EHBP1: variants seen among roughly 807,000 people sequenced by gnomAD.
The protein encoded by EHBP1 is EH domain binding protein 1.
EHBP1 carries 55 observed loss-of-function variants against 144.0 expected under a neutral mutation model. The ratio of observed to expected loss-of-function variants is 0.38; its 90% CI spans 0.31 to 0.48. EHBP1 has a LOEUF of 0.48. Ranked by LOEUF, EHBP1 falls within the 20% of genes least tolerant of loss-of-function variation. EHBP1 has a pLI of 0.98. For missense variants in EHBP1, 1,200 were observed against 1,364.2 expected (o/e 0.88, Z 1.90); for synonymous variants, 469 against 472.7 (o/e 0.99, Z 0.10).
At chr2:62,811,486 T>C (rs1318551265) in intron 5 of EHBP1, among the ~76,000 whole-genome samples, 1 of 152,194 alleles carries the variant, frequency 6.6e-6, no homozygotes, top group Non-Finnish European at 1.5e-5. Context: ...GAATTTAAAG[T>C]GTTATCACAG....
intron 18 of EHBP1, among the ~76,000 whole-genome samples, 176 bp from the exon 19 acceptor site, chr2:62,996,467 G>T (rs1340749695): frequency 1.3e-5 from 2 of 152,026 alleles, no homozygotes; most frequent in Non-Finnish European, 2.9e-5. Flanking sequence ...TAAAAGTTTG[G>T]TATATGTAAT....
At chr2:62,696,939 G>A (rs1434453011) in intron 1 of EHBP1, among the ~76,000 whole-genome samples, 1 of 152,152 alleles carries the variant, frequency 6.6e-6, no homozygotes, top group Non-Finnish European at 1.5e-5. Context: ...AAAAGACAGT[G>A]AAAATAGGCC....
chr2:62,753,291 G>A (rs1194480756), intron 3 of EHBP1, among the ~76,000 whole-genome samples: 1 of 152,100 alleles, frequency 6.6e-6, no homozygotes, highest in Non-Finnish European at 1.5e-5. Flanking sequence ...GAAATTCTGG[G>A]TTGAAAATTC....
At chr2:62,760,656 T>G (rs73934285) in intron 3 of EHBP1, among the ~76,000 whole-genome samples, 2,294 of 152,280 alleles carry the variant, frequency 0.015, 62 homozygotes, top group African/African-American at 0.051. Context: ...TTCCCACTTT[T>G]GATCACTGTG....
intron 9 of EHBP1, among the ~76,000 whole-genome samples, chr2:62,869,556 A>G (rs943172876): frequency 1.3e-5 from 2 of 152,224 alleles, no homozygotes; most frequent in African/African-American, 4.8e-5. Flanking sequence ...CATTTATTTT[A>G]AACTCTAGAA....
intron 19 of EHBP1, among the ~76,000 whole-genome samples, chr2:63,026,334 G>GTGTC (rs1553517843): frequency 5.5e-4 from 83 of 150,098 alleles, no homozygotes; most frequent in African/African-American, 1.2e-3. Flanking sequence ...GTGTGTGTGT[G>GTGTC]TGTGTGTGTG....
At chr2:62,885,486 A>G (rs1186017276) in intron 10 of EHBP1, among the ~76,000 whole-genome samples, 3 of 152,220 alleles carry the variant, frequency 2.0e-5, no homozygotes, top group Non-Finnish European at 4.4e-5. Context: ...GTTAGTTCCA[A>G]TGATGGCTGA....
chr2:62,716,847 T>C (rs1363151068), intron 2 of EHBP1, among the ~76,000 whole-genome samples: 1 of 152,206 alleles, frequency 6.6e-6, no homozygotes. Flanking sequence ...GCTTTTTGCA[T>C]TCCTGGCTGC....
intron 7 of EHBP1, among the ~76,000 whole-genome samples, chr2:62,840,426 TG>T (rs2047719773): frequency 1.4e-5 from 2 of 143,288 alleles, no homozygotes; most frequent in Non-Finnish European, 3.1e-5. Flanking sequence ...GACTTAGGCA[TG>T]GGCAAGGACT....
At position 63,045,151 on chromosome 2, in the gene EHBP1, C is replaced by A; in HGVS notation, c.3363C>A (p.Leu1121=). The A allele has an allele frequency of 6.3e-7, 1 of 1,594,728 alleles. No individual in the cohort carries two copies. Among genetic ancestry groups the A allele is most frequent in the Non-Finnish European group, 8.5e-7 (1 of 1,170,150 alleles). ...CCCTGGTGAACAAGCGCGATGCGCTCGTCAGGGACCTGGACGCGCAGGAGA... is the reference window on the plus strand; with the variant it reads ...CCCTGGTGAACAAGCGCGATGCGCTAGTCAGGGACCTGGACGCGCAGGAGA... ...LVALVNKRDA[L]VRDLDAQEKQ... Residue 1121 remains leucine (L), a synonymous_variant, in exon 22 of 23, where the codon CTC becomes CTA. Coordinates refer to ENST00000431489, the MANE Select transcript of EHBP1 (RefSeq NM_001142616.3). This position sits in a 1 kb window ranked among gnomAD's most constrained non-coding sequence, Gnocchi z 5.7.
intron 2 of EHBP1, among the ~76,000 whole-genome samples, chr2:62,732,310 C>T (rs2037682170): frequency 6.6e-6 from 1 of 152,120 alleles, no homozygotes; most frequent in Admixed American, 6.5e-5. Flanking sequence ...TGCACTGTTG[C>T]TTCAAATATT....
At chr2:62,803,823 G>C (rs948095602) in intron 5 of EHBP1, among the ~76,000 whole-genome samples, 3 of 152,172 alleles carry the variant, frequency 2.0e-5, no homozygotes, top group African/African-American at 7.2e-5. Flanking sequence ...GTACAGTGTA[G>C]TGGATAAATG....
intron 19 of EHBP1, among the ~76,000 whole-genome samples, chr2:63,010,956 G>A (rs2153233766): frequency 6.6e-6 from 1 of 151,518 alleles, no homozygotes; most frequent in Middle Eastern, 3.4e-3. Context: ...ATTTACATAG[G>A]AATAAATCTA....
intron 12 of EHBP1, among the ~76,000 whole-genome samples, chr2:62,944,796 G>T (rs907930329): frequency 2.0e-5 from 3 of 152,144 alleles, no homozygotes; most frequent in African/African-American, 7.2e-5. Context: ...CACACAGTAT[G>T]TGCATTCTGT....
At chr2:62,865,113 GT>G in intron 9 of EHBP1, 142 bp downstream of exon 9, 1 of 941,488 alleles carries the variant, frequency 1.1e-6, no homozygotes, top group Non-Finnish European at 1.6e-6. Context: ...CTATCTGAGT[GT>G]TTATAGTCTT....
intron 5 of EHBP1, among the ~76,000 whole-genome samples, chr2:62,790,685 A>C (rs2043113485): frequency 6.6e-6 from 1 of 152,130 alleles, no homozygotes; most frequent in African/African-American, 2.4e-5. Flanking sequence ...TAAGGTCTAA[A>C]ATATTTTTGT....
At chr2:62,869,338 C>T (rs1225454420) in intron 9 of EHBP1, among the ~76,000 whole-genome samples, 2 of 152,178 alleles carry the variant, frequency 1.3e-5, no homozygotes, top group African/African-American at 2.4e-5. Context: ...AAGACTTCTA[C>T]ATAAATATTT....
intron 21 of EHBP1, among the ~76,000 whole-genome samples, chr2:63,040,832 C>G (rs2061627534): frequency 6.6e-6 from 1 of 152,180 alleles, no homozygotes; most frequent in Non-Finnish European, 1.5e-5. Flanking sequence ...CTGTGAAGAT[C>G]AGCTCTGTGA....
chr2:62,977,548 AC>A (rs1374965284), intron 14 of EHBP1, among the ~76,000 whole-genome samples: 11 of 152,076 alleles, frequency 7.2e-5, no homozygotes, highest in Non-Finnish European at 1.6e-4. Flanking sequence ...TTTTTTCTGA[AC>A]CCTTATGTTA....
Sources: allele counts gnomAD v4.1 joint callset (sites outside exome capture counted in the v4.1 genomes callset), GRCh38; gene constraint gnomAD v4.1.1; non-coding constraint Gnocchi (gnomAD v3.1); transcripts MANE v1.5; gene names NCBI Gene and HGNC (gene_info 2026-07-23, HGNC 2026-07-21).